Variants in TBC1D31 observed in about 807,000 individuals in gnomAD.
The protein encoded by TBC1D31 is WD repeat domain 67.
In TBC1D31, 99 loss-of-function variants were observed where a neutral mutation model predicts 132.9. The ratio of observed to expected loss-of-function variants is 0.74; its 90% confidence interval spans 0.63 to 0.88. The LOEUF is 0.88. Among genes scored for constraint, TBC1D31 ranks in the 40% least tolerant of loss-of-function variants. The probability of loss-of-function intolerance (pLI) is 0.00; values close to 1 mark genes in which losing one functional copy is unlikely to be tolerated. For missense variants in TBC1D31, 1,134 were observed against 1,256.6 expected, an observed-to-expected ratio of 0.90 and a Z score of 1.48; for synonymous variants, 385 against 419.4, an observed-to-expected ratio of 0.92 and a Z score of 1.00.
At chr8:123,156,622 A>T (rs776278873), downstream of TBC1D31, among the ~76,000 whole-genome samples, 6 of 152,084 alleles carry the variant, frequency 3.9e-5, no homozygotes, top group Non-Finnish European at 8.8e-5. Flanking sequence ...GCAGGTGAGG[A>T]CCGCAGTAGC....
At chr8:123,117,060 A>T (rs1388195446) in intron 10 of TBC1D31, among the ~76,000 whole-genome samples, 3 of 152,206 alleles carry the variant, frequency 2.0e-5, no homozygotes, top group Non-Finnish European at 4.4e-5. Context: ...CACGCCTGCA[A>T]TCCCAGCACT....
chr8:123,159,284 GAA>G, the TBC1D31 span, among the ~76,000 whole-genome samples: 559 of 132,310 alleles, frequency 4.2e-3, 5 homozygotes, highest in African/African-American at 0.016. Context: ...AAAAAAAAAA[GAA>G]AAAGAAAAAA....
chr8:123,149,595 G>C (rs925122337), intron 20 of TBC1D31, among the ~76,000 whole-genome samples: 29 of 152,228 alleles, frequency 1.9e-4, no homozygotes, highest in African/African-American at 6.5e-4. Context: ...GGCACCACTA[G>C]TTGCTAGGGC....
intron 15 of TBC1D31, 117 bp downstream of exon 15, chr8:123,129,335 C>A: frequency 1.6e-6 from 1 of 624,984 alleles, no homozygotes; most frequent in Non-Finnish European, 2.5e-6. Flanking sequence ...CCAGCTGTAG[C>A]ATTTCTATAA....
At chr8:123,151,537 A>G (rs755808252) in intron 21 of TBC1D31, among the ~76,000 whole-genome samples, 2 of 152,294 alleles carry the variant, frequency 1.3e-5, no homozygotes, top group Admixed American at 1.3e-4. Flanking sequence ...ATTCTCTCTT[A>G]AATTAACAAG....
chr8:123,164,655 G>A, the TBC1D31 span, among the ~76,000 whole-genome samples: 1 of 151,840 alleles, frequency 6.6e-6, no homozygotes, highest in Admixed American at 6.6e-5. Flanking sequence ...CCGGGAGGTG[G>A]AGGTTGCAGT....
At chr8:123,108,481 T>G (rs904008890) in intron 8 of TBC1D31, among the ~76,000 whole-genome samples, 7 of 152,166 alleles carry the variant, frequency 4.6e-5, no homozygotes, top group African/African-American at 1.7e-4. Context: ...ATGCTAGGAA[T>G]TGCCTAGAAT....
At chr8:123,115,863 C>T (rs1178739679) in intron 10 of TBC1D31, among the ~76,000 whole-genome samples, 3 of 152,118 alleles carry the variant, frequency 2.0e-5, no homozygotes, top group Non-Finnish European at 2.9e-5. Context: ...AATGCCCTCA[C>T]CCCAAGGTGC....
the TBC1D31 span, among the ~76,000 whole-genome samples, chr8:123,157,425 T>C: frequency 6.6e-6 from 1 of 152,150 alleles, no homozygotes; most frequent in Non-Finnish European, 1.5e-5. Context: ...CTAGTTCCGC[T>C]GCGTCCTGCC....
chr8:123,132,476 C>T (rs1414307726), intron 16 of TBC1D31, among the ~76,000 whole-genome samples: 10 of 120,570 alleles, frequency 8.3e-5, no homozygotes, highest in African/African-American at 2.0e-4. Context: ...TACAGTGGTG[C>T]GATCCCGGCT....
intron 5 of TBC1D31, 49 bp downstream of exon 5, chr8:123,093,791 G>C: frequency 7.9e-7 from 1 of 1,269,644 alleles, no homozygotes; most frequent in South Asian, 2.3e-5. Context: ...TTTAATTTCT[G>C]GTAAAAAATT....
At chr8:123,095,260 C>T (rs1378479341) in intron 5 of TBC1D31, among the ~76,000 whole-genome samples, 2 of 152,108 alleles carry the variant, frequency 1.3e-5, no homozygotes, top group Non-Finnish European at 2.9e-5. Flanking sequence ...TCTTTTGTGA[C>T]GTCAGTAGCC....
At chr8:123,102,507 CAGA>C (rs1340027106) in intron 7 of TBC1D31, 4 of 285,174 alleles carry the variant, frequency 1.4e-5, no homozygotes, top group Admixed American at 5.0e-5. Flanking sequence ...TCACCATTCT[CAGA>C]AGATTCTGAT....
At chr8:123,158,799 G>A in the TBC1D31 span, among the ~76,000 whole-genome samples, 1 of 152,128 alleles carries the variant, frequency 6.6e-6, no homozygotes, top group Non-Finnish European at 1.5e-5. Flanking sequence ...CCACCTCCCA[G>A]TGGGAGAAGG....
At chr8:123,073,196 A>G (rs1814091721) in intron 1 of TBC1D31, 3 of 473,932 alleles carry the variant, frequency 6.3e-6, no homozygotes, top group Admixed American at 2.5e-5. Flanking sequence ...TGAGTATTTA[A>G]CAGTTGCAGC....
intron 5 of TBC1D31, among the ~76,000 whole-genome samples, chr8:123,095,388 C>T (rs1816749108): frequency 6.6e-6 from 1 of 152,176 alleles, no homozygotes; most frequent in Non-Finnish European, 1.5e-5. Flanking sequence ...AAGAAACTTC[C>T]TCTCATCAAC....
chr8:123,160,237 T>C, the TBC1D31 span, among the ~76,000 whole-genome samples: 1 of 152,200 alleles, frequency 6.6e-6, no homozygotes, highest in Non-Finnish European at 1.5e-5. Flanking sequence ...GGGTATTTTG[T>C]AGAATGCCCC....
At chr8:123,111,736 A>G (rs986641172) in intron 10 of TBC1D31, among the ~76,000 whole-genome samples, 2 of 152,196 alleles carry the variant, frequency 1.3e-5, no homozygotes, top group Non-Finnish European at 2.9e-5. Context: ...CTATATAACT[A>G]TAAATAATAA....
chr8:123,100,371 T>A (rs1817270473), intron 6 of TBC1D31, among the ~76,000 whole-genome samples: 1 of 151,446 alleles, frequency 6.6e-6, no homozygotes, highest in Non-Finnish European at 1.5e-5. Context: ...ACATCAGGAG[T>A]TCGAGAGCAG....
Sources: gnomAD v4.1 joint callset for allele counts (sites outside exome capture counted in the v4.1 genomes callset) on GRCh38, gnomAD v4.1.1 for gene constraint, MANE v1.5 for transcripts, NCBI Gene and HGNC (gene_info 2026-07-23, HGNC 2026-07-21) for gene names.